TNKS1BP1: variants seen among roughly 807,000 people sequenced by gnomAD.
TNKS1BP1 encodes the protein 182 kDa tankyrase-1-binding protein.
A neutral mutation model predicts 141.1 loss-of-function variants in TNKS1BP1; 48 were observed. That is an observed-to-expected ratio of 0.34 (90% CI 0.27 to 0.43). The LOEUF (loss-of-function observed/expected upper bound fraction) is 0.43, where lower values mean the gene tolerates loss of function less well. Among genes scored for constraint, TNKS1BP1 ranks in the 20% least tolerant of loss-of-function variants. The pLI is 1.00. For missense variants in TNKS1BP1, 2,149 were observed against 2,226.0 expected, an observed-to-expected ratio of 0.97 and a Z score of 0.70; for synonymous variants, 875 against 898.2, an observed-to-expected ratio of 0.97 and a Z score of 0.46.
At chr11:57,317,983 C>T in intron 3 of TNKS1BP1, 96 bp from the exon 4 acceptor site, 2 of 1,169,700 alleles carry the variant, frequency 1.7e-6, no homozygotes, top group Non-Finnish European at 2.5e-6. Flanking sequence ...ACTTTAACAG[C>T]ACCCAAAGGT....
At chr11:57,307,114 C>T (rs1470740011) in intron 6 of TNKS1BP1, among the ~76,000 whole-genome samples, 2 of 152,080 alleles carry the variant, frequency 1.3e-5, no homozygotes. Flanking sequence ...TGTGGTTAAG[C>T]ATGGGGTGTG....
At chr11:57,324,440 G>A (rs1040309286) in intron 1 of TNKS1BP1, among the ~76,000 whole-genome samples, 4 of 150,358 alleles carry the variant, frequency 2.7e-5, no homozygotes, top group Admixed American at 6.6e-5. Context: ...GGCTGCAGAC[G>A]TCGATCAGGT....
In TNKS1BP1 at chr11:57,302,682, G is replaced by A. The variant is rs1855545356; in HGVS notation, c.4460C>T (p.Ala1487Val). The A allele has an allele frequency of 1.9e-6, 3 of 1,606,678 alleles. No individual in the cohort carries two copies. Among genetic ancestry groups the A allele is most frequent in the Non-Finnish European group, 2.5e-6 (3 of 1,178,160 alleles). The change falls in exon 7 of 12, where the codon GCC becomes GTC. Residue 1487 changes from alanine to valine, a missense_variant. By Grantham distance (64) the Ala-to-Val change is moderately conservative. Coordinates refer to ENST00000358252, the MANE Select transcript of TNKS1BP1 (RefSeq NM_033396.3). This position sits in a 1 kb window ranked among gnomAD's most constrained non-coding sequence, Gnocchi z 5.5. Reference sequence around the variant, plus strand: ...CTCCTCTTGGGCAGCACCTGCCCCGGCTCCTTCCTCCTCCAACAGGCCCCC... The same window carrying A: ...CTCCTCTTGGGCAGCACCTGCCCCGACTCCTTCCTCCTCCAACAGGCCCCC... Reference protein sequence around the residue: ...GLGGLLEEEGAGAGAAQEEVL... With the variant: ...GLGGLLEEEGVGAGAAQEEVL...
At position 57,300,977 on chromosome 11, in the gene TNKS1BP1, T is replaced by G. The variant is rs780301226; in HGVS notation, c.5036A>C (p.Gln1679Pro). Residue 1679 changes from glutamine (Q) to proline (P), a missense_variant, in exon 10 of 12, where the codon CAG (glutamine) becomes CCG (proline). Gln to Pro is a moderately conservative substitution (Grantham distance 76). Transcript: ENST00000358252. ...CGAACGCTGGACCGCGGACTCCTTC[T>G]GGCTCGACTTGCTCTCAGCCAGCTC... ...EGELAESKSS[Q>P]KESAVQRSKS... The G allele has an allele frequency of 1.9e-6, 3 of 1,614,132 alleles. No individual in the cohort carries two copies. The highest frequency in any genetic ancestry group is 2.5e-6 in the Non-Finnish European group (3 of 1,180,008).
intron 4 of TNKS1BP1, among the ~76,000 whole-genome samples, chr11:57,316,286 C>G (rs190576879): frequency 6.6e-6 from 1 of 152,240 alleles, no homozygotes; most frequent in Non-Finnish European, 1.5e-5. Flanking sequence ...GTCTCCTTGG[C>G]TGTGCCTCTG....
rs145451025 is a variant in TNKS1BP1, at chr11:57,310,353, G to T, written c.2358C>A (p.Ser786Arg). The part of the protein sequence containing the change: ...SKYGQGAGEG[S>R]TREWASRCGI... ...CACACCTGCTGGCCCACTCCCTGGT[G>T]CTCCCTTCCCCTGCTCCTTGCCCAT... The change falls in exon 6 of 12, where the codon AGC (serine) becomes AGA (arginine). Residue 786 changes from serine (S) to arginine (R), a missense_variant. Coordinates refer to ENST00000358252, the MANE Select transcript of TNKS1BP1 (RefSeq NM_033396.3). The T allele has an allele frequency of 6.2e-7, 1 of 1,613,876 alleles. No homozygotes were observed. The highest frequency in any genetic ancestry group is 8.5e-7 in the Non-Finnish European group (1 of 1,180,040).
chr11:57,306,782 C>A (rs989486778), intron 6 of TNKS1BP1, among the ~76,000 whole-genome samples: 1 of 152,052 alleles, frequency 6.6e-6, no homozygotes. Flanking sequence ...CTTCCCCTAA[C>A]CTAGTCCCAT....
Position 57,309,190 on chromosome 11 carries a change from C to G in TNKS1BP1, c.3521G>C (p.Ser1174Thr). ...QLGLRNLEVS[S>T]CVGSGGSSEA... Reference sequence around the variant, plus strand: ...GCTCGAGCCCCCAGAACCCACACAGCTGGACACTTCCAAGTTCCTGAGACC... The same window carrying G: ...GCTCGAGCCCCCAGAACCCACACAGGTGGACACTTCCAAGTTCCTGAGACC... The change falls in exon 6 of 12, where the codon AGC becomes ACC. Residue 1174 changes from serine (S) to threonine (T), a missense_variant. Transcript: ENST00000358252. This position sits in a 1 kb window ranked among gnomAD's most constrained non-coding sequence, Gnocchi z 4.3. The G allele has an allele frequency of 6.2e-7, 1 of 1,614,226 alleles. No individual in the cohort carries two copies. Among genetic ancestry groups the G allele is most frequent in the Non-Finnish European group, 8.5e-7 (1 of 1,180,044 alleles).
chr11:57,302,064 T>C lies in TNKS1BP1; in HGVS notation c.4834+10A>G. On this transcript the variant is annotated intron_variant, in intron 8 of 11. Transcript: ENST00000358252. This position sits in a 1 kb window ranked among gnomAD's most constrained non-coding sequence, Gnocchi z 5.5. The stretch of plus-strand genomic sequence containing the variant: ...TCAAGAGACATCACCAAATAATACA[T>C]CAGCCCTACCTGTAGAGTCCTGGAA... 6.2e-7 allele frequency: 1 copy of C among 1,609,056 alleles called. No homozygotes were observed. Among genetic ancestry groups the C allele is most frequent in the South Asian group, 1.1e-5 (1 of 91,020 alleles).
intron 1 of TNKS1BP1, 149 bp from the exon 2 acceptor site, chr11:57,322,099 G>T: frequency 9.5e-7 from 1 of 1,054,682 alleles, no homozygotes; most frequent in East Asian, 2.9e-5. Context: ...AGGAGGTCAA[G>T]GGAGGTTCCC....
At chr11:57,323,670 C>T (rs886574068) in intron 1 of TNKS1BP1, among the ~76,000 whole-genome samples, 1 of 152,176 alleles carries the variant, frequency 6.6e-6, no homozygotes. Context: ...TTAACCACCA[C>T]GGAAGACTGC....
Position 57,309,214 on chromosome 11 carries a change from C to A in TNKS1BP1, c.3497G>T (p.Gly1166Val). ...AGSVDWTDQL[G>V]LRNLEVSSCV... ...GCTGGACACTTCCAAGTTCCTGAGA[C>A]CCAGCTGGTCAGTCCAGTCCACCGA... The change falls in exon 6 of 12, where the codon GGT (glycine) becomes GTT (valine). Residue 1166 changes from glycine (G) to valine (V), a missense_variant. Transcript: ENST00000358252. The surrounding 1 kb of genome is among the most constrained non-coding windows in gnomAD (Gnocchi z 4.3). 6.2e-7 allele frequency: 1 copy of A among 1,614,194 alleles called. No individual in the cohort carries two copies. The highest frequency in any genetic ancestry group is 8.5e-7 in the Non-Finnish European group (1 of 1,180,040).
intron 5 of TNKS1BP1, chr11:57,311,351 C>G: frequency 1.0e-6 from 1 of 985,766 alleles, no homozygotes; most frequent in Non-Finnish European, 1.2e-6. Flanking sequence ...TCCCCATCCC[C>G]AGGCTGGGCC....
chr11:57,308,991 C>T lies in TNKS1BP1; in HGVS notation c.3720G>A (p.Glu1240=). The change falls in exon 6 of 12, where the codon GAG becomes GAA. Residue 1240 remains glutamate, a synonymous_variant. Transcript: ENST00000358252. ...GGCTGTGGCCTCCTCCCTCCCCGACCTCAGCCAAATCTTTGCTCTTCACAT... is the reference window on the plus strand; with the variant it reads ...GGCTGTGGCCTCCTCCCTCCCCGACTTCAGCCAAATCTTTGCTCTTCACAT... ...DVNVKSKDLA[E]VGEGGGHSQA... is the part of the protein sequence containing the mutation. 3 of 1,614,180 alleles carry T rather than the reference C, an allele frequency of 1.9e-6. No homozygotes were observed. Among genetic ancestry groups the T allele is most frequent in the Non-Finnish European group, 2.5e-6 (3 of 1,180,024 alleles).
intron 3 of TNKS1BP1, 83 bp from the exon 4 acceptor site, chr11:57,317,970 G>C: frequency 7.4e-7 from 1 of 1,351,292 alleles, no homozygotes. Context: ...GTCTCCCAGT[G>C]CAACTTTAAC....
At chr11:57,323,297 C>T (rs1175829426) in intron 1 of TNKS1BP1, among the ~76,000 whole-genome samples, 1 of 152,126 alleles carries the variant, frequency 6.6e-6, no homozygotes, top group Non-Finnish European at 1.5e-5. Flanking sequence ...TTCAGATACT[C>T]CAACCACCTC....
In TNKS1BP1 at chr11:57,312,621, CAGG is replaced by C. The variant is rs1326215466; in HGVS notation, c.2064_2066del (p.Leu689del). On this transcript the variant is annotated inframe_deletion, in exon 5 of 12. Coordinates refer to ENST00000358252, the MANE Select transcript of TNKS1BP1 (RefSeq NM_033396.3). ...CGCCACCACTGGGTGGTGGTGAAGC[CAGG>C]AGGTCGTCCAGCCAGCGGGAGCTGC... 44 of 1,572,240 alleles carry C rather than the reference CAGG, an allele frequency of 2.8e-5. No individual in the cohort carries two copies. Among genetic ancestry groups the C allele is most frequent in the Non-Finnish European group, 3.4e-5 (40 of 1,160,570 alleles).
At chr11:57,305,773 C>T (rs1389089724) in intron 6 of TNKS1BP1, among the ~76,000 whole-genome samples, 1 of 152,120 alleles carries the variant, frequency 6.6e-6, no homozygotes, top group Non-Finnish European at 1.5e-5. Flanking sequence ...TTAACAAAAC[C>T]CCATGAGTAC....
chr11:57,302,791 C>A lies in TNKS1BP1; in HGVS notation c.4351G>T (p.Gly1451Cys). 6.5e-7 allele frequency: 1 copy of A among 1,548,356 alleles called. No individual in the cohort carries two copies. The highest frequency in any genetic ancestry group is 1.8e-5 in the Admixed American group (1 of 54,258). ...ATCTCCTCCAGCAGGCCCTGGGAGC[C>A]GGAGGGTGGGGGGCGGGCCGGGCAC... ...GRCPARPPPS[G>C]SQGLLEEMLA... Residue 1451 changes from glycine to cysteine, a missense_variant, in exon 7 of 12, where the codon GGC (glycine) becomes TGC (cysteine). Coordinates refer to ENST00000358252, the MANE Select transcript of TNKS1BP1 (RefSeq NM_033396.3). The surrounding 1 kb of genome is among the most constrained non-coding windows in gnomAD (Gnocchi z 5.5).
Sources: gnomAD v4.1 joint callset for allele counts (sites outside exome capture counted in the v4.1 genomes callset) on GRCh38, gnomAD v4.1.1 for gene constraint, Gnocchi (gnomAD v3.1) non-coding constraint, MANE v1.5 for transcripts, NCBI Gene and HGNC (gene_info 2026-07-23, HGNC 2026-07-21) for gene names.